The following FGF12 variants were observed in gnomAD, a reference collection of about 807,000 sequenced individuals.
The protein encoded by FGF12 is fibroblast growth factor 12.
Under a neutral mutation model 23.6 loss-of-function variants are expected in FGF12, and 14 were observed. The ratio of observed to expected loss-of-function variants is 0.59; its 90% CI spans 0.39 to 0.93. FGF12 has a LOEUF of 0.93. FGF12 is among the 40% of genes least tolerant of loss of function. FGF12 has a pLI of 0.00. For synonymous variants in FGF12, 62 were observed against 77.3 expected, an observed-to-expected ratio of 0.80 and a Z score of 1.04; for missense variants, 175 against 217.8, an observed-to-expected ratio of 0.80 and a Z score of 1.24.
At chr3:192,562,100 C>T (rs924402209) in intron 2 of FGF12, among the ~76,000 whole-genome samples, 1 of 152,040 alleles carries the variant, frequency 6.6e-6, no homozygotes, top group East Asian at 1.9e-4. Context: ...TGATACACAA[C>T]AACATGATGG....
At chr3:192,187,630 T>C (rs1214352948) in intron 4 of FGF12, among the ~76,000 whole-genome samples, 1 of 152,224 alleles carries the variant, frequency 6.6e-6, no homozygotes, top group East Asian at 1.9e-4. Flanking sequence ...GATTAAGTGA[T>C]AATGCTTCCT....
chr3:192,238,203 G>A (rs977738270), intron 4 of FGF12: 44 of 152,444 alleles, frequency 2.9e-4, no homozygotes, highest in Non-Finnish European at 6.3e-4. Context: ...CTGTGCTGGA[G>A]GTGCTGAGGT....
intron 2 of FGF12, among the ~76,000 whole-genome samples, chr3:192,451,931 C>T (rs1722535362): frequency 6.6e-6 from 1 of 152,052 alleles, no homozygotes; most frequent in African/African-American, 2.4e-5. Flanking sequence ...AGAATGTTTG[C>T]CTTAAAGTAG....
At chr3:192,576,653 A>G (rs988183915) in intron 2 of FGF12, among the ~76,000 whole-genome samples, 3 of 152,022 alleles carry the variant, frequency 2.0e-5, no homozygotes, top group African/African-American at 4.8e-5. Flanking sequence ...GATGGTATGG[A>G]AAAAAAATGC....
chr3:192,664,619 A>AAAAAAAAAT (rs3044658), intron 2 of FGF12, among the ~76,000 whole-genome samples: 1 of 148,636 alleles, frequency 6.7e-6, no homozygotes, highest in Non-Finnish European at 1.5e-5. Flanking sequence ...AAAAAAAAAA[A>AAAAAAAAAT]GCTGGGCATG....
At chr3:192,347,671 A>C (rs1176631732) in intron 3 of FGF12, among the ~76,000 whole-genome samples, 1 of 152,140 alleles carries the variant, frequency 6.6e-6, no homozygotes, top group East Asian at 1.9e-4. Flanking sequence ...CAATTCTTCC[A>C]AAGAAAAGAA....
intron 2 of FGF12, among the ~76,000 whole-genome samples, chr3:192,618,754 C>T (rs144962340): frequency 1.0e-4 from 15 of 149,408 alleles, no homozygotes; most frequent in South Asian, 2.2e-4. Flanking sequence ...GATCAAAGTT[C>T]GACTATCTTA....
chr3:192,280,476 G>A (rs930756301), intron 4 of FGF12, among the ~76,000 whole-genome samples: 11 of 151,868 alleles, frequency 7.2e-5, no homozygotes, highest in African/African-American at 2.4e-4. Flanking sequence ...TAAGTCTTTT[G>A]CTACTGTAAA....
chr3:192,492,400 G>A (rs934476944), intron 2 of FGF12, among the ~76,000 whole-genome samples: 24 of 151,936 alleles, frequency 1.6e-4, no homozygotes, highest in Non-Finnish European at 3.4e-4. Flanking sequence ...GCAAAGGTAG[G>A]GATTGATGTT....
At chr3:192,572,139 T>A (rs577069761) in intron 2 of FGF12, among the ~76,000 whole-genome samples, 3 of 152,296 alleles carry the variant, frequency 2.0e-5, no homozygotes, top group Admixed American at 2.0e-4. Context: ...AAGCTTTTAA[T>A]AAACACAACT....
At chr3:192,210,681 A>G (rs941199521) in intron 4 of FGF12, among the ~76,000 whole-genome samples, 1 of 152,328 alleles carries the variant, frequency 6.6e-6, no homozygotes, top group African/African-American at 2.4e-5. Flanking sequence ...CATATCGGAT[A>G]TAGCAAGGAA....
chr3:192,291,973 T>G (rs899577517), intron 4 of FGF12, among the ~76,000 whole-genome samples: 4 of 152,210 alleles, frequency 2.6e-5, no homozygotes, highest in Admixed American at 2.6e-4. Context: ...CTAACCCAAT[T>G]TGAAATGCCA....
chr3:192,247,315 C>T (rs1274584698), intron 4 of FGF12, among the ~76,000 whole-genome samples: 1 of 152,162 alleles, frequency 6.6e-6, no homozygotes, highest in Non-Finnish European at 1.5e-5. Flanking sequence ...TGTTTCGTCA[C>T]TGTAGAGTAT....
intron 4 of FGF12, among the ~76,000 whole-genome samples, chr3:192,191,899 A>T (rs1440864552): frequency 6.6e-6 from 1 of 152,198 alleles, no homozygotes; most frequent in African/African-American, 2.4e-5. Context: ...AGGGATAAAG[A>T]AAGATACACA....
At chr3:192,423,765 A>G (rs1721607305) in intron 2 of FGF12, among the ~76,000 whole-genome samples, 1 of 152,170 alleles carries the variant, frequency 6.6e-6, no homozygotes. Context: ...TAATTTTTCT[A>G]TTAAAGACTA....
intron 2 of FGF12, among the ~76,000 whole-genome samples, chr3:192,566,249 A>G (rs1261215769): frequency 6.6e-6 from 1 of 152,212 alleles, no homozygotes; most frequent in Non-Finnish European, 1.5e-5. Context: ...TTTCAGACTC[A>G]AGGAATCTGG....
chr3:192,706,979 T>G lies in FGF12; in HGVS notation c.13+20202A>C, dbSNP rs114458276. Among the ~76,000 whole-genome samples, 649 of 152,264 alleles carry G rather than the reference T, an allele frequency of 4.3e-3. 4 individuals carry two copies. Among genetic ancestry groups the G allele is most frequent in the African/African-American group, 0.015 (625 of 41,546 alleles). ...AACCCATGCAAAAGTAACAGATGAA[T>G]TGTTGAGGAAAAGGACAAGACAGTC... On this transcript the variant is annotated intron_variant, in intron 2 of 5. Transcript: ENST00000445105.
At position 192,597,282 on chromosome 3, in the gene FGF12, T is replaced by C. The variant is rs143273868; in HGVS notation, c.13+129899A>G. On this transcript the variant is annotated intron_variant, in intron 2 of 5. Coordinates refer to ENST00000445105, the MANE Select transcript of FGF12 (RefSeq NM_004113.6). ...TCCCACTACATCCTCAAAATTCTAT[T>C]GAATCGTTCACGCACCAAACCACAG... is the stretch of plus-strand genomic sequence containing the variant. 3.7e-3 allele frequency among the ~76,000 whole-genome samples: 563 copies of C among 152,262 alleles called. 2 individuals are homozygous for C. The highest frequency in any genetic ancestry group is 0.013 in the African/African-American group (539 of 41,562).
intron 2 of FGF12, among the ~76,000 whole-genome samples, chr3:192,376,955 T>C (rs12632797): frequency 0.31 from 47,053 of 152,046 alleles, 7,958 homozygotes; most frequent in East Asian, 0.62. Context: ...AGCTTTTGTA[T>C]TGGCCTCTTG....
Sources: gnomAD v4.1 joint callset for allele counts (sites outside exome capture counted in the v4.1 genomes callset) on GRCh38, gnomAD v4.1.1 for gene constraint, MANE v1.5 for transcripts, NCBI Gene and HGNC (gene_info 2026-07-23, HGNC 2026-07-21) for gene names.